Variants in MIPOL1 observed in about 807,000 individuals in gnomAD.
The protein encoded by MIPOL1 is mirror-image polydactyly gene 1 protein.
MIPOL1 carries 57 observed loss-of-function variants against 60.9 expected under a neutral mutation model. The ratio of observed to expected loss-of-function variants is 0.94; its 90% CI spans 0.76 to 1.17. MIPOL1 has a LOEUF of 1.17. Among genes scored for constraint, MIPOL1 ranks in the 50% most tolerant of loss-of-function variants. The pLI is 0.00. For missense variants in MIPOL1, 551 were observed against 511.6 expected (o/e 1.08, Z -0.74); for synonymous variants, 179 against 168.8 (o/e 1.06, Z -0.47).
At chr14:37,505,270 A>C (rs568911627) in intron 12 of MIPOL1, 1 of 152,252 alleles carries the variant, frequency 6.6e-6, no homozygotes, top group East Asian at 1.9e-4. Flanking sequence ...GCATCATCCT[A>C]ATACCAAAGC....
intron 9 of MIPOL1, among the ~76,000 whole-genome samples, chr14:37,356,122 A>G (rs1325930175): frequency 6.7e-6 from 1 of 150,048 alleles, no homozygotes; most frequent in African/African-American, 2.5e-5. Context: ...TTTTCCTTCT[A>G]ACAGACAGGA....
At chr14:37,255,088 T>A (rs879367581) in intron 3 of MIPOL1, among the ~76,000 whole-genome samples, 4 of 151,846 alleles carry the variant, frequency 2.6e-5, no homozygotes, top group African/African-American at 9.7e-5. Flanking sequence ...TTGCTAAAAA[T>A]CCTCATTTAT....
intron 1 of MIPOL1, among the ~76,000 whole-genome samples, chr14:37,225,064 G>A (rs941331678): frequency 8.5e-5 from 13 of 152,122 alleles, no homozygotes; most frequent in South Asian, 2.1e-4. Context: ...TCCAGGTCAC[G>A]CTGATGCAAG....
chr14:37,550,979 T>C lies in MIPOL1; in HGVS notation c.*4008T>C, dbSNP rs1399757973. On this transcript the variant is annotated 3_prime_UTR_variant, in exon 13 of 13. Coordinates refer to ENST00000684589, the MANE Select transcript of MIPOL1 (RefSeq NM_001388067.1). Reference sequence around the variant, plus strand: ...AGTTAAACTTCTAAAAGTTGAATTATTTAATGTAGGACTTCATAAATAGTA... The same window carrying C: ...AGTTAAACTTCTAAAAGTTGAATTACTTAATGTAGGACTTCATAAATAGTA... 2.6e-5 allele frequency: 4 copies of C among 152,270 alleles called. No homozygotes were observed. Among genetic ancestry groups the C allele is most frequent in the African/African-American group, 9.6e-5 (4 of 41,578 alleles). 9.4% of individuals were successfully genotyped at this position (152,270 alleles called of 1,614,324 possible). A position where few individuals can be genotyped will look rare whatever the true frequency, so the allele number is the denominator to read the frequency against.
At position 37,211,789 on chromosome 14, in the gene MIPOL1, G is replaced by A. The variant is rs371726656; in HGVS notation, c.-199+13685G>A. Reference sequence around the variant, plus strand: ...CACCCCTCACCTAACCCCAGGCTGCGTAGCTCCCAGTTCCAAAAGAGACCC... The same window carrying A: ...CACCCCTCACCTAACCCCAGGCTGCATAGCTCCCAGTTCCAAAAGAGACCC... On this transcript the variant is annotated intron_variant, in intron 1 of 12. Coordinates refer to ENST00000684589, the MANE Select transcript of MIPOL1 (RefSeq NM_001388067.1). 3.2e-4 allele frequency among the ~76,000 whole-genome samples: 49 copies of A among 152,010 alleles called. No individual in the cohort carries two copies. In the South Asian group the frequency reaches 4.4e-3, roughly 14 times the overall value.
intron 11 of MIPOL1, among the ~76,000 whole-genome samples, chr14:37,448,216 A>T (rs1281609414): frequency 1.3e-5 from 2 of 152,154 alleles, no homozygotes; most frequent in African/African-American, 4.8e-5. Flanking sequence ...ACCCTTCAAT[A>T]CCTGCCAATC....
intron 8 of MIPOL1, 40 bp downstream of exon 8, chr14:37,308,129 A>AT: frequency 6.3e-7 from 1 of 1,584,422 alleles, no homozygotes; most frequent in Non-Finnish European, 8.6e-7. Context: ...TGTCAGTCTT[A>AT]TATCTTAGAG....
At chr14:37,362,574 C>T (rs1489664110) in intron 9 of MIPOL1, among the ~76,000 whole-genome samples, 1 of 152,146 alleles carries the variant, frequency 6.6e-6, no homozygotes, top group Non-Finnish European at 1.5e-5. Flanking sequence ...GTGAATCTGA[C>T]AATTACGTGT....
chr14:37,424,443 A>T (rs568323772), intron 11 of MIPOL1, among the ~76,000 whole-genome samples: 79 of 152,250 alleles, frequency 5.2e-4, no homozygotes, highest in African/African-American at 1.9e-3. Flanking sequence ...AGGGCCAACA[A>T]TTGCTGGTAA....
chr14:37,413,145 T>A (rs1254966544), intron 10 of MIPOL1, among the ~76,000 whole-genome samples: 1 of 152,138 alleles, frequency 6.6e-6, no homozygotes, highest in African/African-American at 2.4e-5. Context: ...TACACATCTT[T>A]ATTTGTACCA....
intron 7 of MIPOL1, among the ~76,000 whole-genome samples, chr14:37,299,318 T>C (rs1332372218): frequency 2.6e-5 from 4 of 151,936 alleles, no homozygotes. Flanking sequence ...CGGGATAGCA[T>C]TAGGAGATAT....
At chr14:37,362,776 G>T (rs566267930) in intron 9 of MIPOL1, among the ~76,000 whole-genome samples, 1 of 152,004 alleles carries the variant, frequency 6.6e-6, no homozygotes, top group Non-Finnish European at 1.5e-5. Context: ...TTTTCACATG[G>T]TCCCATATTT....
intron 7 of MIPOL1, among the ~76,000 whole-genome samples, chr14:37,296,466 G>C (rs2085695406): frequency 6.6e-6 from 1 of 152,146 alleles, no homozygotes; most frequent in Non-Finnish European, 1.5e-5. Flanking sequence ...GAGCAGAACT[G>C]AAGGAAATAG....
intron 12 of MIPOL1, chr14:37,546,188 A>G (rs1037309142): frequency 2.0e-5 from 3 of 152,288 alleles, no homozygotes; most frequent in African/African-American, 7.2e-5. Flanking sequence ...TTTCAATTTA[A>G]TTGACTAGTT....
chr14:37,200,898 G>GTGTGTGT, intron 1 of MIPOL1, among the ~76,000 whole-genome samples: 1 of 42,436 alleles, frequency 2.4e-5, no homozygotes, highest in Non-Finnish European at 4.2e-5. Flanking sequence ...GTGTGTGTGT[G>GTGTGTGT]TATTTTTTTT....
intron 12 of MIPOL1, among the ~76,000 whole-genome samples, chr14:37,524,888 CAAAG>C (rs958180187): frequency 6.6e-5 from 10 of 151,720 alleles, no homozygotes; most frequent in South Asian, 2.1e-4. Flanking sequence ...TTTAAAAAGA[CAAAG>C]GAAGTATAAT....
intron 10 of MIPOL1, among the ~76,000 whole-genome samples, chr14:37,420,227 T>G (rs76668277): frequency 6.6e-6 from 1 of 152,190 alleles, no homozygotes; most frequent in Non-Finnish European, 1.5e-5. Flanking sequence ...GGAGGTACAA[T>G]GGACAGATAA....
Position 37,446,103 on chromosome 14 carries a change from C to T in MIPOL1, c.1031+23154C>T, listed in dbSNP as rs952763611. ...CTAATTAAATGAAAGAGCTTCTGCA[C>T]AGCAAAAGACACTACCATCAGAGTG... is the stretch of plus-strand genomic sequence containing the variant. On this transcript the variant is annotated intron_variant, in intron 11 of 12. Coordinates refer to ENST00000684589, the MANE Select transcript of MIPOL1 (RefSeq NM_001388067.1). Among the ~76,000 whole-genome samples the T allele has an allele frequency of 6.0e-3, 917 of 152,282 alleles. 5 individuals are homozygous for T. The highest frequency in any genetic ancestry group is 0.019 in the African/African-American group (809 of 41,558).
intron 7 of MIPOL1, among the ~76,000 whole-genome samples, chr14:37,304,287 G>A (rs1234016038): frequency 6.6e-6 from 1 of 151,106 alleles, no homozygotes; most frequent in African/African-American, 2.4e-5. Context: ...GTCTTATTCT[G>A]CCTCTCTCTG....
Sources: allele counts gnomAD v4.1 joint callset (sites outside exome capture counted in the v4.1 genomes callset), GRCh38; gene constraint gnomAD v4.1.1; transcripts MANE v1.5; gene names NCBI Gene and HGNC (gene_info 2026-07-23, HGNC 2026-07-21).